The following TCF4 variants were observed in gnomAD, a reference collection of about 807,000 sequenced individuals.
The protein encoded by TCF4 is SL3-3 enhancer factor 2.
In TCF4, 3 loss-of-function variants were observed where a neutral mutation model predicts 82.1. The ratio of observed to expected loss-of-function variants is 0.04; its 90% CI spans 0.02 to 0.09. The LOEUF (loss-of-function observed/expected upper bound fraction) is 0.09. Ranked by LOEUF, TCF4 falls within the 10% of genes least tolerant of loss-of-function variation. The pLI is 1.00. For synonymous variants in TCF4, 276 were observed against 309.6 expected (o/e 0.89, Z 1.14); for missense variants, 518 against 852.7 (o/e 0.61, Z 4.89).
intron 5 of TCF4, chr18:55,422,159 A>G (rs558116881): frequency 2.1e-6 from 2 of 968,038 alleles, no homozygotes; most frequent in Non-Finnish European, 2.5e-6. Context: ...CCCACCCTGA[A>G]TAGAGAAATC....
chr18:55,593,990 T>G (rs1259516157), intron 2 of TCF4, among the ~76,000 whole-genome samples: 2 of 152,186 alleles, frequency 1.3e-5, no homozygotes, highest in Non-Finnish European at 2.9e-5. Flanking sequence ...ACTAACCAGC[T>G]AGGACCTCAA....
At chr18:55,629,028 A>G (rs947205428) in intron 2 of TCF4, among the ~76,000 whole-genome samples, 2 of 152,210 alleles carry the variant, frequency 1.3e-5, no homozygotes, top group Non-Finnish European at 2.9e-5. Flanking sequence ...TCATAAATGC[A>G]CAAAGTTCCC....
intron 15 of TCF4, among the ~76,000 whole-genome samples, chr18:55,238,738 GC>G (rs1450279705): frequency 6.6e-6 from 1 of 152,126 alleles, no homozygotes. Context: ...TCTGGCTTCT[GC>G]CCTCTCATGA....
rs187044508 is a variant in TCF4, at chr18:55,466,565, T to C, written c.146-2428A>G. On this transcript the variant is annotated intron_variant, in intron 3 of 19. Coordinates refer to ENST00000354452, the MANE Select transcript of TCF4 (RefSeq NM_001083962.2). ...AAATTGTGTTGAGATTGAGAAGCCC[T>C]GTGCTAGAGCAAAAGGAATCAAGTT... 2.3e-3 allele frequency among the ~76,000 whole-genome samples: 351 copies of C among 152,290 alleles called. 1 individual carries two copies. The highest frequency in any genetic ancestry group is 1.6e-3 in the Non-Finnish European group (106 of 68,018).
intron 3 of TCF4, among the ~76,000 whole-genome samples, chr18:55,481,750 C>T (rs949780355): frequency 3.3e-5 from 5 of 152,226 alleles, no homozygotes; most frequent in Admixed American, 2.6e-4. Context: ...GACTCCTAGA[C>T]GTCCAATTCA....
chr18:55,322,143 C>T, intron 8 of TCF4: 4 of 1,041,734 alleles, frequency 3.8e-6, no homozygotes, highest in Non-Finnish European at 4.6e-6. Context: ...GTTCTAGGCA[C>T]CCTTTTCTTC....
chr18:55,271,483 C>T (rs1383281550), intron 10 of TCF4, among the ~76,000 whole-genome samples: 1 of 152,024 alleles, frequency 6.6e-6, no homozygotes, highest in Non-Finnish European at 1.5e-5. Context: ...AATGAATCTA[C>T]GTATTAGAGG....
At position 55,461,043 on chromosome 18, in the gene TCF4, G is replaced by A. The variant is rs779916094; in HGVS notation, c.280C>T (p.Pro94Ser). ...DLGSHDNLSP[P>S]FVNSRIQSKT... Reference sequence around the variant, plus strand: ...CTTTGTATTCTGGAATTGACAAAAGGTGGAGAGAGATTGTCATGTGACCCA... The same window carrying A: ...CTTTGTATTCTGGAATTGACAAAAGATGGAGAGAGATTGTCATGTGACCCA... The change falls in exon 5 of 20, where the codon CCT becomes TCT. Residue 94 changes from proline to serine, a missense_variant. Pro to Ser is a moderately conservative substitution (Grantham distance 74). Transcript: ENST00000354452. The A allele has an allele frequency of 1.9e-6, 3 of 1,613,348 alleles. No individual in the cohort carries two copies. The highest frequency in any genetic ancestry group is 3.3e-5 in the Admixed American group (2 of 59,924).
chr18:55,467,462 CTG>C (rs2096056415), intron 3 of TCF4, among the ~76,000 whole-genome samples: 1 of 152,136 alleles, frequency 6.6e-6, no homozygotes, highest in South Asian at 2.1e-4. Context: ...GCTGAGAAAA[CTG>C]TTTTTAACAG....
chr18:55,306,355 A>G (rs1208170834), intron 8 of TCF4, among the ~76,000 whole-genome samples: 3 of 152,340 alleles, frequency 2.0e-5, no homozygotes, highest in South Asian at 2.1e-4. Context: ...ACCAGTTTTT[A>G]ACTTGTTTAT....
chr18:55,285,904 C>A (rs1377380148), intron 8 of TCF4, among the ~76,000 whole-genome samples: 1 of 152,178 alleles, frequency 6.6e-6, no homozygotes, highest in Non-Finnish European at 1.5e-5. Context: ...TAATGAATGG[C>A]AGGATACTGG....
intron 6 of TCF4, among the ~76,000 whole-genome samples, chr18:55,366,005 T>C (rs963587366): frequency 6.2e-5 from 9 of 144,788 alleles, no homozygotes; most frequent in African/African-American, 2.5e-4. Flanking sequence ...GATATAGATA[T>C]AGATATAGAT....
At chr18:55,355,537 A>ATCTC (rs1024183183) in intron 6 of TCF4, among the ~76,000 whole-genome samples, 1 of 152,148 alleles carries the variant, frequency 6.6e-6, no homozygotes, top group Non-Finnish European at 1.5e-5. Flanking sequence ...CCTAGAATAT[A>ATCTC]TCTCGCACCA....
rs1390225362 is a variant in TCF4 at position 55,588,080 on chromosome 18, G to C, written c.-63C>G. 1.0e-6 allele frequency: 1 copy of C among 994,978 alleles called. No homozygotes were observed. The highest frequency in any genetic ancestry group is 1.2e-6 in the Non-Finnish European group (1 of 838,168). 61.6% of individuals were successfully genotyped at this position (994,978 alleles called of 1,614,324 possible). Reference sequence around the variant, plus strand: ...GGGCTCTCCGTGCACCGCCGGCGCCGAGGCGGCGTTCATGTCTAACCGCCG... The same window carrying C: ...GGGCTCTCCGTGCACCGCCGGCGCCCAGGCGGCGTTCATGTCTAACCGCCG... On this transcript the variant is annotated 5_prime_UTR_variant, in exon 1 of 20. Transcript: ENST00000354452.
At chr18:55,431,911 G>T (rs541677113) in intron 5 of TCF4, among the ~76,000 whole-genome samples, 122 of 152,294 alleles carry the variant, frequency 8.0e-4, no homozygotes, top group African/African-American at 2.8e-3. Flanking sequence ...GAGGACATAG[G>T]GAGCTACCAA....
At chr18:55,231,867 T>C (rs1301928485) in intron 17 of TCF4, 2 of 152,236 alleles carry the variant, frequency 1.3e-5, no homozygotes, top group East Asian at 3.8e-4. Context: ...CCTCAGGGAA[T>C]TGAGGCAAAG....
intron 5 of TCF4, among the ~76,000 whole-genome samples, chr18:55,408,822 GAA>G (rs11309751): frequency 7.9e-4 from 115 of 146,276 alleles, no homozygotes; most frequent in Admixed American, 4.6e-3. Flanking sequence ...AACTCTGGGG[GAA>G]AAAAAAAAAA....
At chr18:55,621,992 A>G (rs1371540702) in intron 2 of TCF4, among the ~76,000 whole-genome samples, 1 of 129,570 alleles carries the variant, frequency 7.7e-6, no homozygotes, top group Non-Finnish European at 1.5e-5. Context: ...TATACACTAT[A>G]TATTATATAT....
At chr18:55,307,862 A>G (rs2070893820) in intron 8 of TCF4, among the ~76,000 whole-genome samples, 1 of 152,180 alleles carries the variant, frequency 6.6e-6, no homozygotes, top group Non-Finnish European at 1.5e-5. Context: ...CAACGAGAGG[A>G]TGATGGGGAA....
Sources: gnomAD v4.1 joint callset for allele counts (sites outside exome capture counted in the v4.1 genomes callset) on GRCh38, gnomAD v4.1.1 for gene constraint, MANE v1.5 for transcripts, NCBI Gene and HGNC (gene_info 2026-07-23, HGNC 2026-07-21) for gene names.